The following DLGAP2 variants were observed in gnomAD, a reference collection of about 807,000 sequenced individuals.
DLGAP2 encodes disks large-associated protein 2.
Under a neutral mutation model 100.3 loss-of-function variants are expected in DLGAP2, and 26 were observed. That is an observed-to-expected ratio of 0.26 (90% CI 0.19 to 0.36). The LOEUF (loss-of-function observed/expected upper bound fraction) is 0.36. Among genes scored for constraint, DLGAP2 ranks in the 10% least tolerant of loss-of-function variants. DLGAP2 has a pLI of 1.00. For missense variants in DLGAP2, 1,858 were observed against 1,453.2 expected, an observed-to-expected ratio of 1.28 and a Z score of -4.53; for synonymous variants, 886 against 630.1, an observed-to-expected ratio of 1.41 and a Z score of -6.08.
At chr8:1,383,675 T>A (rs926489226) in intron 3 of DLGAP2, among the ~76,000 whole-genome samples, 1 of 152,222 alleles carries the variant, frequency 6.6e-6, no homozygotes, top group African/African-American at 2.4e-5. Context: ...GCCGTCCACC[T>A]GGCCCAGGGC....
At chr8:1,425,877 A>T (rs934075566) in intron 3 of DLGAP2, among the ~76,000 whole-genome samples, 9 of 152,140 alleles carry the variant, frequency 5.9e-5, no homozygotes, top group African/African-American at 2.2e-4. Context: ...TGCGGACTGG[A>T]GCTTGGTGTC....
chr8:1,469,315 C>T (rs1008923723), intron 3 of DLGAP2, among the ~76,000 whole-genome samples: 1 of 152,242 alleles, frequency 6.6e-6, no homozygotes, highest in African/African-American at 2.4e-5. Context: ...CTCTGAGCTG[C>T]TCCCTGCCCA....
At chr8:1,325,917 G>C (rs1049092812) in intron 3 of DLGAP2, among the ~76,000 whole-genome samples, 1 of 152,080 alleles carries the variant, frequency 6.6e-6, no homozygotes, top group African/African-American at 2.4e-5. Context: ...TTATTGTAGT[G>C]GTAACTACAG....
chr8:822,212 C>G (rs1305116079), intron 1 of DLGAP2: 2 of 399,246 alleles, frequency 5.0e-6, no homozygotes, highest in Non-Finnish European at 8.8e-6. Context: ...TGATCTTGCT[C>G]TTGCTTCCTG....
chr8:862,068 C>T lies in DLGAP2; in HGVS notation c.19-45844C>T, dbSNP rs138844404. On this transcript the variant is annotated intron_variant, in intron 1 of 14. Transcript: ENST00000637795. ...TTCTAACACAGTTTTCTGTAATTCT[C>T]CTGAACCGTTTGTAGAAACAGTCAT... Among the ~76,000 whole-genome samples the T allele has an allele frequency of 2.0e-3, 301 of 152,328 alleles. 5 individuals carry two copies. The East Asian group carries it at 0.048, about 24-fold the overall frequency.
chr8:1,446,270 A>C (rs1797983483), intron 3 of DLGAP2, among the ~76,000 whole-genome samples: 1 of 152,138 alleles, frequency 6.6e-6, no homozygotes, highest in Non-Finnish European at 1.5e-5. Context: ...ATTTTTGTAT[A>C]AGGTGTAAGG....
intron 5 of DLGAP2, among the ~76,000 whole-genome samples, chr8:1,553,146 G>C (rs1167465938): frequency 6.6e-6 from 1 of 152,192 alleles, no homozygotes; most frequent in African/African-American, 2.4e-5. Context: ...CTGCATCCCA[G>C]AGAAGACCCG....
chr8:1,067,744 C>G (rs929955977), intron 2 of DLGAP2, among the ~76,000 whole-genome samples: 2 of 151,892 alleles, frequency 1.3e-5, no homozygotes, highest in Admixed American at 6.6e-5. Context: ...CGCCCTCCCT[C>G]GTGACCCAGT....
intron 1 of DLGAP2, among the ~76,000 whole-genome samples, chr8:867,268 C>A (rs1797516125): frequency 6.6e-6 from 1 of 152,200 alleles, no homozygotes; most frequent in Non-Finnish European, 1.5e-5. Context: ...TTGCTTTTTG[C>A]AGCTTTATGT....
Position 1,517,889 on chromosome 8 carries a change from C to A in DLGAP2, c.172+16458C>A, listed in dbSNP as rs114064630. ...ATGGAATAAGACAGAGACTGGGGAG[C>A]CTTGCACAAAATAACCATCCCCCAC... is the stretch of plus-strand genomic sequence containing the variant. On this transcript the variant is annotated intron_variant, in intron 4 of 14. Transcript: ENST00000637795. 8.6e-3 allele frequency among the ~76,000 whole-genome samples: 1,315 copies of A among 152,260 alleles called. 28 individuals carry two copies. The highest frequency in any genetic ancestry group is 0.031 in the African/African-American group (1,277 of 41,554).
At chr8:1,236,306 T>TGC (rs1311496463) in intron 2 of DLGAP2, among the ~76,000 whole-genome samples, 1 of 57,448 alleles carries the variant, frequency 1.7e-5, no homozygotes, top group African/African-American at 7.4e-5. Context: ...TCTAGTTCTC[T>TGC]CACATGGCGC....
intron 3 of DLGAP2, among the ~76,000 whole-genome samples, chr8:1,469,990 T>TAA (rs1338640345): frequency 8.9e-6 from 1 of 112,964 alleles, no homozygotes. Context: ...ACCTCATCCC[T>TAA]AAAAAAAAAA....
chr8:1,675,828 GTT>G (rs75974060), intron 10 of DLGAP2, among the ~76,000 whole-genome samples: 4 of 140,492 alleles, frequency 2.8e-5, no homozygotes, highest in African/African-American at 5.2e-5. Context: ...GTTTGGTTTT[GTT>G]TTTTTTTTTT....
At chr8:1,339,975 C>T (rs895609144) in intron 3 of DLGAP2, among the ~76,000 whole-genome samples, 8 of 152,214 alleles carry the variant, frequency 5.3e-5, no homozygotes, top group Non-Finnish European at 1.2e-4. Flanking sequence ...ATGAGAAAAT[C>T]ATTCAAATAC....
chr8:1,214,380 A>G (rs1463250), intron 2 of DLGAP2, among the ~76,000 whole-genome samples: 15,182 of 152,160 alleles, frequency 0.1, 1,584 homozygotes, highest in African/African-American at 0.27. Context: ...AAGAGGTGCC[A>G]TTGCTGATGA....
intron 2 of DLGAP2, among the ~76,000 whole-genome samples, chr8:931,335 T>C (rs1211409082): frequency 6.6e-6 from 1 of 152,216 alleles, no homozygotes; most frequent in African/African-American, 2.4e-5. Context: ...GAGCAGGCAA[T>C]GGCAGGGGCG....
intron 6 of DLGAP2, among the ~76,000 whole-genome samples, chr8:1,582,952 T>C (rs1407068633): frequency 6.6e-6 from 1 of 152,002 alleles, no homozygotes; most frequent in Non-Finnish European, 1.5e-5. Context: ...TCGGTTTTGG[T>C]GGTGGCTGCA....
At chr8:853,287 A>G (rs1408944638) in intron 1 of DLGAP2, among the ~76,000 whole-genome samples, 1 of 152,170 alleles carries the variant, frequency 6.6e-6, no homozygotes, top group East Asian at 1.9e-4. Context: ...AAGCTTCCAG[A>G]GCTGTTCCCC....
intron 6 of DLGAP2, among the ~76,000 whole-genome samples, chr8:1,623,778 A>G (rs988491458): frequency 3.3e-5 from 5 of 152,238 alleles, no homozygotes; most frequent in Non-Finnish European, 7.3e-5. Flanking sequence ...GACTAATGTA[A>G]ACATTAAATG....
Sources: allele counts gnomAD v4.1 joint callset (sites outside exome capture counted in the v4.1 genomes callset), GRCh38; gene constraint gnomAD v4.1.1; transcripts MANE v1.5; gene names NCBI Gene and HGNC (gene_info 2026-07-23, HGNC 2026-07-21).